Variants in CNTNAP2 observed in about 807,000 individuals in gnomAD.
CNTNAP2 encodes contactin-associated protein-like 2.
Under a neutral mutation model 155.2 loss-of-function variants are expected in CNTNAP2, and 98 were observed. That is an observed-to-expected ratio of 0.63 (90% CI 0.54 to 0.75). CNTNAP2 has a LOEUF of 0.75. CNTNAP2 is among the 30% of genes least tolerant of loss of function. CNTNAP2 has a pLI of 0.00. For synonymous variants in CNTNAP2, 651 were observed against 631.2 expected, an observed-to-expected ratio of 1.03 and a Z score of -0.47; for missense variants, 1,727 against 1,688.1, an observed-to-expected ratio of 1.02 and a Z score of -0.40.
chr7:146,597,664 C>T lies in CNTNAP2; in HGVS notation c.98-176607C>T, dbSNP rs371653544. On this transcript the variant is annotated intron_variant, in intron 1 of 23. Transcript: ENST00000361727. Reference sequence around the variant, plus strand: ...GAAACACAACTTATTTTGACTCCGACATTATGGACATTTCTGGGGATACTG... The same window carrying T: ...GAAACACAACTTATTTTGACTCCGATATTATGGACATTTCTGGGGATACTG... Among the ~76,000 whole-genome samples the T allele has an allele frequency of 2.6e-5, 4 of 152,104 alleles. No individual in the cohort carries two copies. The East Asian group carries it at 5.8e-4, about 22-fold the overall frequency.
Position 148,306,408 on chromosome 7 carries a change from T to C in CNTNAP2, c.3475+39282T>C, listed in dbSNP as rs1797493429. Among the ~76,000 whole-genome samples the C allele has an allele frequency of 2.0e-5, 3 of 152,126 alleles. No homozygotes were observed. In the South Asian group the frequency reaches 6.2e-4, roughly 32 times the overall value. On this transcript the variant is annotated intron_variant, in intron 21 of 23. Coordinates refer to ENST00000361727, the MANE Select transcript of CNTNAP2 (RefSeq NM_014141.6). ...CAATTTCTTCTTTCATTTCCTGTTC[T>C]CTCTTCCCAGAATTTGTTATTCAGC...
chr7:146,499,219 C>G (rs1468594172), intron 1 of CNTNAP2, among the ~76,000 whole-genome samples: 1 of 152,104 alleles, frequency 6.6e-6, no homozygotes, highest in Non-Finnish European at 1.5e-5. Context: ...GTTTTGCTCT[C>G]TTGCCCAGGC....
chr7:147,557,923 C>T (rs779051708), intron 11 of CNTNAP2, among the ~76,000 whole-genome samples: 16 of 151,998 alleles, frequency 1.1e-4, no homozygotes, highest in East Asian at 3.9e-4. Context: ...AGTATCCAGG[C>T]GGTAAATGAC....
chr7:146,864,606 A>G (rs1211868331), intron 3 of CNTNAP2, among the ~76,000 whole-genome samples: 1 of 152,180 alleles, frequency 6.6e-6, no homozygotes, highest in Non-Finnish European at 1.5e-5. Context: ...AAGCATAAAG[A>G]TTGGAATAGA....
chr7:146,683,165 C>G (rs1800534889), intron 1 of CNTNAP2, among the ~76,000 whole-genome samples: 1 of 152,154 alleles, frequency 6.6e-6, no homozygotes, highest in African/African-American at 2.4e-5. Flanking sequence ...TTGCCAGTAG[C>G]TGGGATTACA....
At chr7:146,714,074 A>G (rs1385941577) in intron 1 of CNTNAP2, among the ~76,000 whole-genome samples, 5 of 152,104 alleles carry the variant, frequency 3.3e-5, no homozygotes, top group Non-Finnish European at 7.4e-5. Context: ...TCTCTCCTGG[A>G]GTGCACTTCT....
rs1458545033 is a variant in CNTNAP2, at chr7:146,862,654, G to GCTA, written c.402+22750_402+22751insCTA. On this transcript the variant is annotated intron_variant, in intron 3 of 23. Transcript: ENST00000361727. ...AAAGATATCACAGACAACTCTCAAA[G>GCTA]GTTAGAGCAGATGCTTTTAATCAGA... is the stretch of plus-strand genomic sequence containing the variant. Among the ~76,000 whole-genome samples, 3 of 152,278 alleles carry GCTA rather than the reference G, an allele frequency of 2.0e-5. No individual in the cohort carries two copies. The East Asian group carries it at 5.8e-4, about 29-fold the overall frequency.
intron 15 of CNTNAP2, among the ~76,000 whole-genome samples, chr7:148,070,464 T>C (rs773725019): frequency 1.3e-5 from 2 of 152,266 alleles, no homozygotes; most frequent in Non-Finnish European, 2.9e-5. Flanking sequence ...ATGCCTGTAA[T>C]CCCAGCACTC....
At chr7:146,910,129 A>C (rs1796240140) in intron 3 of CNTNAP2, among the ~76,000 whole-genome samples, 1 of 132,186 alleles carries the variant, frequency 7.6e-6, no homozygotes, top group African/African-American at 2.7e-5. Flanking sequence ...GGAGAACTAC[A>C]AACCACTGCT....
intron 16 of CNTNAP2, among the ~76,000 whole-genome samples, chr7:148,129,879 G>A (rs1804795294): frequency 6.6e-6 from 1 of 152,210 alleles, no homozygotes. Flanking sequence ...AACTTTTCAT[G>A]CCAGGGTTCT....
chr7:146,533,231 T>C (rs1797797183), intron 1 of CNTNAP2, among the ~76,000 whole-genome samples: 1 of 150,038 alleles, frequency 6.7e-6, no homozygotes, highest in Non-Finnish European at 1.5e-5. Flanking sequence ...CCTAGTTTCA[T>C]ACCCAGGACT....
intron 2 of CNTNAP2, among the ~76,000 whole-genome samples, chr7:146,777,201 T>C (rs1413999090): frequency 1.6e-5 from 2 of 125,118 alleles, no homozygotes; most frequent in Admixed American, 8.0e-5. Context: ...CCTATAGATA[T>C]AGATCTACAC....
intron 3 of CNTNAP2, among the ~76,000 whole-genome samples, chr7:146,852,288 C>A (rs1321532443): frequency 6.6e-6 from 1 of 152,116 alleles, no homozygotes; most frequent in Non-Finnish European, 1.5e-5. Flanking sequence ...GTAAGAAAGA[C>A]AATATCTTCT....
intron 3 of CNTNAP2, among the ~76,000 whole-genome samples, chr7:147,008,100 T>C (rs1163531783): frequency 1.3e-5 from 2 of 152,160 alleles, no homozygotes; most frequent in African/African-American, 4.8e-5. Context: ...ATAGACCCAA[T>C]TATTCAACCC....
chr7:146,676,448 C>CTAT lies in CNTNAP2; in HGVS notation c.98-97822_98-97821insATT, dbSNP rs112232188. Among the ~76,000 whole-genome samples the CTAT allele has an allele frequency of 7.3e-5, 11 of 150,594 alleles. No homozygotes were observed. In the East Asian group the frequency reaches 2.2e-3, roughly 30 times the overall value. The stretch of plus-strand genomic sequence containing the variant: ...TGTGGCAGCTACAAGTGTTTGTGTT[C>CTAT]TTTTTTTTAATAATTTCAACTTTCA... On this transcript the variant is annotated intron_variant, in intron 1 of 23. Coordinates refer to ENST00000361727, the MANE Select transcript of CNTNAP2 (RefSeq NM_014141.6).
chr7:146,395,315 C>G (rs1795603883), intron 1 of CNTNAP2, among the ~76,000 whole-genome samples: 1 of 152,056 alleles, frequency 6.6e-6, no homozygotes, highest in African/African-American at 2.4e-5. Flanking sequence ...CCCAGGGAGT[C>G]CAATGCCAGA....
intron 3 of CNTNAP2, among the ~76,000 whole-genome samples, chr7:146,875,136 C>T (rs1018485113): frequency 1.4e-4 from 21 of 152,086 alleles, no homozygotes; most frequent in Non-Finnish European, 3.1e-4. Context: ...CAAAGACAGG[C>T]TCTAGTGTAA....
intron 13 of CNTNAP2, among the ~76,000 whole-genome samples, chr7:147,827,453 CAA>C (rs546437998): frequency 6.6e-6 from 1 of 151,706 alleles, no homozygotes; most frequent in Non-Finnish European, 1.5e-5. Context: ...TAGCACATAA[CAA>C]AAAAAATTGT....
At chr7:146,681,921 C>T (rs1800511601) in intron 1 of CNTNAP2, among the ~76,000 whole-genome samples, 1 of 152,126 alleles carries the variant, frequency 6.6e-6, no homozygotes, top group Non-Finnish European at 1.5e-5. Context: ...TCTAAGTATT[C>T]CACATAGTAT....
Sources: allele counts gnomAD v4.1 joint callset (sites outside exome capture counted in the v4.1 genomes callset), GRCh38; gene constraint gnomAD v4.1.1; transcripts MANE v1.5; gene names NCBI Gene and HGNC (gene_info 2026-07-23, HGNC 2026-07-21).